The following GREM1 variants were observed in gnomAD, a reference collection of about 807,000 sequenced individuals.
The protein encoded by GREM1 is gremlin-1.
A neutral mutation model predicts 13.1 loss-of-function variants in GREM1; 6 were observed. The observed-to-expected ratio is 0.46, with a 90% CI of 0.25 to 0.91. The LOEUF (loss-of-function observed/expected upper bound fraction) is 0.91, where lower values mean the gene tolerates loss of function less well. GREM1 is among the 40% of genes least tolerant of loss of function. The probability of loss-of-function intolerance (pLI) is 0.18; values close to 1 mark genes in which losing one functional copy is unlikely to be tolerated. For synonymous variants in GREM1, 98 were observed against 93.7 expected, an observed-to-expected ratio of 1.05 and a Z score of -0.27; for missense variants, 185 against 233.9, an observed-to-expected ratio of 0.79 and a Z score of 1.36.
chr15:32,728,155 C>G (rs374572631), intron 1 of GREM1, among the ~76,000 whole-genome samples: 1 of 152,148 alleles, frequency 6.6e-6, no homozygotes. Context: ...TCATATGGAA[C>G]TGAAAAAAGA....
At chr15:32,724,341 T>G (rs893924112) in intron 1 of GREM1, among the ~76,000 whole-genome samples, 1 of 152,176 alleles carries the variant, frequency 6.6e-6, no homozygotes, top group Non-Finnish European at 1.5e-5. Context: ...GGTCCTGGTC[T>G]AGGAGGGGTG....
Position 32,743,093 on chromosome 15 carries a change from G to C in GREM1, c.*11848G>C, listed in dbSNP as rs1407972801. 1 of 152,188 alleles carries C rather than the reference G, an allele frequency of 6.6e-6. No homozygotes were observed. The highest frequency in any genetic ancestry group is 2.4e-5 in the African/African-American group (1 of 41,430). The allele number at this position is 152,188 out of a possible 1,614,324, so 9.4% of individuals were successfully genotyped here. Reference sequence around the variant, plus strand: ...AGGCAATCTATGGAACAGAAGACACGGGGTGACATGAGACCACTTTGGCAA... The same window carrying C: ...AGGCAATCTATGGAACAGAAGACACCGGGTGACATGAGACCACTTTGGCAA... On this transcript the variant is annotated 3_prime_UTR_variant, in exon 2 of 2. Coordinates refer to ENST00000651154, the MANE Select transcript of GREM1 (RefSeq NM_013372.7).
chr15:32,719,899 G>C (rs1046815046), intron 1 of GREM1, among the ~76,000 whole-genome samples: 2 of 152,046 alleles, frequency 1.3e-5, no homozygotes, highest in African/African-American at 4.8e-5. Context: ...CTTGAGGGGG[G>C]GATGTACTTT....
In GREM1 at chr15:32,732,190, C is replaced by T. The variant is rs1396086608; in HGVS notation, c.*945C>T. On this transcript the variant is annotated 3_prime_UTR_variant, in exon 2 of 2. Transcript: ENST00000651154. ...ACCAAACCAACTCCTCTGCTTTGTC[C>T]CTCAGGTGGAAAAGAGAGGTAGTTT... The T allele has an allele frequency of 1.2e-5, 3 of 241,922 alleles. No homozygotes were observed. Among genetic ancestry groups the T allele is most frequent in the African/African-American group, 6.7e-5 (3 of 44,786 alleles). 15.0% of individuals were successfully genotyped at this position (241,922 alleles called of 1,614,324 possible).
intron 1 of GREM1, among the ~76,000 whole-genome samples, chr15:32,721,938 CAT>C (rs1158239392): frequency 6.6e-6 from 1 of 152,230 alleles, no homozygotes; most frequent in Non-Finnish European, 1.5e-5. Flanking sequence ...CTTTGACAAA[CAT>C]AGAGCTCCTG....
In GREM1 at chr15:32,737,128, A is replaced by G. The variant is rs1455628137; in HGVS notation, c.*5883A>G. ...CACAAGTAAAGAGATTAAATAAGCA[A>G]TCAAATAACTTCCCAGAAAGAAAAG... On this transcript the variant is annotated 3_prime_UTR_variant, in exon 2 of 2. Transcript: ENST00000651154. 6.6e-6 allele frequency: 1 copy of G among 152,232 alleles called. No homozygotes were observed. The highest frequency in any genetic ancestry group is 2.4e-5 in the African/African-American group (1 of 41,468). 9.4% of individuals were successfully genotyped at this position (152,232 alleles called of 1,614,324 possible).
intron 1 of GREM1, among the ~76,000 whole-genome samples, chr15:32,720,917 G>T (rs2055395305): frequency 6.6e-6 from 1 of 152,134 alleles, no homozygotes; most frequent in African/African-American, 2.4e-5. Context: ...AGCACTTTGG[G>T]AGGCCAAGGA....
chr15:32,725,233 C>T (rs1403049861), intron 1 of GREM1, among the ~76,000 whole-genome samples: 1 of 152,178 alleles, frequency 6.6e-6, no homozygotes, highest in African/African-American at 2.4e-5. Flanking sequence ...AACGGTTGAA[C>T]TAATTTACAC....
At chr15:32,722,278 C>A (rs1296011611) in intron 1 of GREM1, among the ~76,000 whole-genome samples, 1 of 152,240 alleles carries the variant, frequency 6.6e-6, no homozygotes, top group African/African-American at 2.4e-5. Flanking sequence ...CATTTGTAGT[C>A]ACTTCCACTA....
At position 32,739,687 on chromosome 15, in the gene GREM1, T is replaced by C. The variant is rs1046536641; in HGVS notation, c.*8442T>C. 1.3e-5 allele frequency: 2 copies of C among 152,192 alleles called. No individual in the cohort carries two copies. Among genetic ancestry groups the C allele is most frequent in the African/African-American group, 2.4e-5 (1 of 41,434 alleles). 9.4% of individuals were successfully genotyped at this position (152,192 alleles called of 1,614,324 possible). Reference sequence around the variant, plus strand: ...ATTCCTTTGTGAGGAATCCAGAAACTAAAAGGCTCCTGCACTCCCAGCAAA... The same window carrying C: ...ATTCCTTTGTGAGGAATCCAGAAACCAAAAGGCTCCTGCACTCCCAGCAAA... On this transcript the variant is annotated 3_prime_UTR_variant, in exon 2 of 2. Coordinates refer to ENST00000651154, the MANE Select transcript of GREM1 (RefSeq NM_013372.7).
rs1003859861 is a variant in GREM1 at position 32,738,467 on chromosome 15, T to C, written c.*7222T>C. On this transcript the variant is annotated 3_prime_UTR_variant, in exon 2 of 2. Transcript: ENST00000651154. ...GTTAAAAAATTTAAAATCATCAAAA[T>C]AGATGGAAATAAAACCTGTGTTCAT... is the stretch of plus-strand genomic sequence containing the variant. The C allele has an allele frequency of 2.6e-5, 4 of 152,026 alleles. No individual in the cohort carries two copies. Among genetic ancestry groups the C allele is most frequent in the Non-Finnish European group, 4.4e-5 (3 of 67,976 alleles). 9.4% of individuals were successfully genotyped at this position (152,026 alleles called of 1,614,324 possible).
rs186953531 is a variant in GREM1, at chr15:32,724,163, G to C, written c.-2+6002G>C. On this transcript the variant is annotated intron_variant, in intron 1 of 1. Transcript: ENST00000651154. Reference sequence around the variant, plus strand: ...TCAATAACAGATGTGAAAATGCCAAGAAGGAAAAGTTGAGTATAAAGAAAG... The same window carrying C: ...TCAATAACAGATGTGAAAATGCCAACAAGGAAAAGTTGAGTATAAAGAAAG... Among the ~76,000 whole-genome samples the C allele has an allele frequency of 3.3e-4, 51 of 152,350 alleles. 1 individual carries two copies. Among genetic ancestry groups the C allele is most frequent in the African/African-American group, 1.1e-3 (47 of 41,584 alleles).
At chr15:32,721,315 G>C (rs757437711) in intron 1 of GREM1, among the ~76,000 whole-genome samples, 1 of 152,124 alleles carries the variant, frequency 6.6e-6, no homozygotes, top group Non-Finnish European at 1.5e-5. Flanking sequence ...AAAAATAAAT[G>C]ATAAAATTGG....
chr15:32,720,459 T>G (rs1286152192), intron 1 of GREM1, among the ~76,000 whole-genome samples: 1 of 152,120 alleles, frequency 6.6e-6, no homozygotes. Context: ...GTGGAACATG[T>G]TCCACAACAG....
intron 1 of GREM1, among the ~76,000 whole-genome samples, chr15:32,722,438 G>A (rs1359730039): frequency 6.6e-6 from 1 of 152,210 alleles, no homozygotes; most frequent in African/African-American, 2.4e-5. Flanking sequence ...CTGATTATGA[G>A]CAGGTTGCTT....
rs1421649974 is a variant in GREM1 at position 32,744,656 on chromosome 15, A to G, written c.*13411A>G. The stretch of plus-strand genomic sequence containing the variant: ...GAATTCATAAATCGTCACTTAACTC[A>G]AGCAAAACAATGTTACTCTCTTTGT... On this transcript the variant is annotated 3_prime_UTR_variant, in exon 2 of 2. Transcript: ENST00000651154. 2 of 151,898 alleles carry G rather than the reference A, an allele frequency of 1.3e-5. No homozygotes were observed. Among genetic ancestry groups the G allele is most frequent in the African/African-American group, 4.8e-5 (2 of 41,352 alleles). The allele number at this position is 151,898 out of a possible 1,614,324, so 9.4% of individuals were successfully genotyped here.
In GREM1 at chr15:32,738,903, T is replaced by C. The variant is rs1185864745; in HGVS notation, c.*7658T>C. ...TGAGGATCACTTGAGCCCAGAAGAT[T>C]GTACCACTGCACTCCAGCCTACATG... On this transcript the variant is annotated 3_prime_UTR_variant, in exon 2 of 2. Transcript: ENST00000651154. The C allele has an allele frequency of 1.3e-5, 2 of 152,124 alleles. No homozygotes were observed. The highest frequency in any genetic ancestry group is 2.9e-5 in the Non-Finnish European group (2 of 68,020). The allele number at this position is 152,124 out of a possible 1,614,324, so 9.4% of individuals were successfully genotyped here. A position where few individuals can be genotyped will look rare whatever the true frequency, so the allele number is the denominator to read the frequency against.
chr15:32,726,536 G>T (rs2055507749), intron 1 of GREM1, among the ~76,000 whole-genome samples: 1 of 152,142 alleles, frequency 6.6e-6, no homozygotes, highest in South Asian at 2.1e-4. Flanking sequence ...GCCCACAGGA[G>T]AAAGCGGGAC....
intron 1 of GREM1, among the ~76,000 whole-genome samples, chr15:32,721,407 A>G (rs190639433): frequency 1.3e-5 from 2 of 152,330 alleles, no homozygotes; most frequent in South Asian, 2.1e-4. Flanking sequence ...GTGTTAGGAA[A>G]AGTAGCAATG....
Sources: allele counts gnomAD v4.1 joint callset (sites outside exome capture counted in the v4.1 genomes callset), GRCh38; gene constraint gnomAD v4.1.1; transcripts MANE v1.5; gene names NCBI Gene and HGNC (gene_info 2026-07-23, HGNC 2026-07-21).